DPH6: variants seen among roughly 807,000 people sequenced by gnomAD.
DPH6 encodes diphthine--ammonia ligase.
DPH6 carries 33 observed loss-of-function variants against 38.2 expected under a neutral mutation model. The ratio of observed to expected loss-of-function variants is 0.86; its 90% CI spans 0.65 to 1.15. The LOEUF (loss-of-function observed/expected upper bound fraction) is 1.15. Among genes scored for constraint, DPH6 ranks in the 50% most tolerant of loss-of-function variants. DPH6 has a pLI of 0.00. For synonymous variants in DPH6, 108 were observed against 103.0 expected, an observed-to-expected ratio of 1.05 and a Z score of -0.30; for missense variants, 325 against 320.0, an observed-to-expected ratio of 1.02 and a Z score of -0.12.
chr15:35,456,008 G>T (rs886487348), intron 3 of DPH6, among the ~76,000 whole-genome samples: 6 of 152,028 alleles, frequency 3.9e-5, no homozygotes, highest in Non-Finnish European at 7.4e-5. Context: ...CTTTAAAGTC[G>T]ATTTAAAATT....
At chr15:35,406,270 G>A (rs992158245) in intron 6 of DPH6, among the ~76,000 whole-genome samples, 2 of 151,974 alleles carry the variant, frequency 1.3e-5, no homozygotes, top group African/African-American at 4.8e-5. Flanking sequence ...GGAAACCATC[G>A]ATAGTTCAAA....
At chr15:35,531,935 A>G (rs2055093938) in intron 3 of DPH6, among the ~76,000 whole-genome samples, 1 of 152,184 alleles carries the variant, frequency 6.6e-6, no homozygotes. Flanking sequence ...GACAGCCACA[A>G]AAACAAGCCT....
intron 3 of DPH6, among the ~76,000 whole-genome samples, chr15:35,309,701 G>A (rs2052123962): frequency 6.6e-6 from 1 of 152,192 alleles, no homozygotes; most frequent in Admixed American, 6.5e-5. Context: ...ATGAAATGTT[G>A]CAAAATGGAA....
intron 5 of DPH6, among the ~76,000 whole-genome samples, chr15:35,413,005 T>C (rs1456754891): frequency 6.6e-6 from 1 of 151,480 alleles, no homozygotes; most frequent in Non-Finnish European, 1.5e-5. Flanking sequence ...TGATGTGTCA[T>C]TGTAAGTTCA....
intron 3 of DPH6, among the ~76,000 whole-genome samples, chr15:35,307,993 C>A (rs2052107677): frequency 6.6e-6 from 1 of 152,278 alleles, no homozygotes; most frequent in East Asian, 1.9e-4. Flanking sequence ...AACTTCTGGT[C>A]AGCCATGGTG....
At chr15:35,194,408 A>C in the DPH6 span, among the ~76,000 whole-genome samples, 1 of 152,098 alleles carries the variant, frequency 6.6e-6, no homozygotes, top group Non-Finnish European at 1.5e-5. Flanking sequence ...AGAGAGAGAG[A>C]GAGAGAATAC....
intron 3 of DPH6, among the ~76,000 whole-genome samples, chr15:35,221,322 G>A (rs2051440853): frequency 6.6e-6 from 1 of 152,098 alleles, no homozygotes; most frequent in Non-Finnish European, 1.5e-5. Context: ...CTATTCCCAT[G>A]GCTCCACTAA....
intron 3 of DPH6, among the ~76,000 whole-genome samples, chr15:35,487,726 T>A (rs2054423719): frequency 6.6e-6 from 1 of 152,190 alleles, no homozygotes; most frequent in South Asian, 2.1e-4. Flanking sequence ...ACATTCAGCT[T>A]CTCCTTACTC....
At chr15:35,519,149 T>C (rs913511328) in intron 3 of DPH6, 1 of 151,822 alleles carries the variant, frequency 6.6e-6, no homozygotes, top group Non-Finnish European at 1.5e-5. Context: ...TAGCTATCAA[T>C]ATATACAATC....
At chr15:35,478,390 C>CAT (rs1223659215) in intron 3 of DPH6, among the ~76,000 whole-genome samples, 2 of 150,980 alleles carry the variant, frequency 1.3e-5, no homozygotes, top group Non-Finnish European at 3.0e-5. Context: ...CACACACACA[C>CAT]ACACACACAC....
chr15:35,348,572 A>C (rs1398612875), intron 3 of DPH6, among the ~76,000 whole-genome samples: 1 of 152,138 alleles, frequency 6.6e-6, no homozygotes, highest in African/African-American at 2.4e-5. Context: ...GAAATCAGCA[A>C]GTGTGATAAC....
intron 3 of DPH6, among the ~76,000 whole-genome samples, chr15:35,290,345 C>T (rs934442611): frequency 6.6e-6 from 1 of 152,196 alleles, no homozygotes; most frequent in Non-Finnish European, 1.5e-5. Context: ...TGCAAAGGCA[C>T]TGGGCACACC....
At chr15:35,472,108 CA>C (rs1299818840) in intron 3 of DPH6, among the ~76,000 whole-genome samples, 1 of 151,976 alleles carries the variant, frequency 6.6e-6, no homozygotes, top group African/African-American at 2.4e-5. Flanking sequence ...AGATAAACAA[CA>C]AAAAAATAAA....
At chr15:35,510,873 A>C (rs1036963357) in intron 3 of DPH6, among the ~76,000 whole-genome samples, 1 of 152,186 alleles carries the variant, frequency 6.6e-6, no homozygotes, top group African/African-American at 2.4e-5. Context: ...AAAAGTGAGG[A>C]AACATGACAA....
At chr15:35,383,874 C>T (rs148224439) in intron 6 of DPH6, among the ~76,000 whole-genome samples, 73 of 152,292 alleles carry the variant, frequency 4.8e-4, no homozygotes, top group African/African-American at 1.5e-3. Context: ...AAGCCTATGC[C>T]AGCCACTTTC....
chr15:35,415,310 A>G (rs1323049846), intron 5 of DPH6, among the ~76,000 whole-genome samples: 1 of 151,926 alleles, frequency 6.6e-6, no homozygotes, highest in Non-Finnish European at 1.5e-5. Context: ...GCATCATTTA[A>G]AAAGTCTCCC....
exon 4 of DPH6, chr15:35,220,348 T>C (rs950130703): frequency 6.6e-6 from 1 of 152,206 alleles, no homozygotes. Context: ...TTGTTACAAC[T>C]GATGAGTGTC....
At chr15:35,165,971 C>T in the DPH6 span, among the ~76,000 whole-genome samples, 1 of 151,866 alleles carries the variant, frequency 6.6e-6, no homozygotes, top group Non-Finnish European at 1.5e-5. Context: ...CTTACAGTAA[C>T]AAAAAAGATT....
intron 3 of DPH6, among the ~76,000 whole-genome samples, chr15:35,225,080 G>A (rs1419651530): frequency 2.6e-5 from 4 of 152,094 alleles, no homozygotes; most frequent in Non-Finnish European, 5.9e-5. Context: ...AGTTTCCTCT[G>A]GTCTATGACA....
Sources: allele counts gnomAD v4.1 joint callset (sites outside exome capture counted in the v4.1 genomes callset), GRCh38; gene constraint gnomAD v4.1.1; transcripts MANE v1.5; gene names NCBI Gene and HGNC (gene_info 2026-07-23, HGNC 2026-07-21).